Variants in MTFR1L observed in about 807,000 individuals in gnomAD.
MTFR1L encodes mitochondrial fission regulator 1 like.
A neutral mutation model predicts 27.9 loss-of-function variants in MTFR1L; 10 were observed. That is an observed-to-expected ratio of 0.36 (90% CI 0.22 to 0.61). The LOEUF (loss-of-function observed/expected upper bound fraction) is 0.61. Ranked by LOEUF, MTFR1L falls within the 20% of genes least tolerant of loss-of-function variation. The pLI, the probability that MTFR1L is intolerant of heterozygous loss-of-function variation, is 0.73. For missense variants in MTFR1L, 315 were observed against 363.7 expected (o/e 0.87, Z 1.09); for synonymous variants, 151 against 139.4 (o/e 1.08, Z -0.58).
chr1:25,823,040 A>ACGCCTCC lies in MTFR1L; in HGVS notation c.-55_-49dup, dbSNP rs778721409. The ACGCCTCC allele has an allele frequency of 1.3e-5, 21 of 1,613,742 alleles. No homozygotes were observed. Among genetic ancestry groups the ACGCCTCC allele is most frequent in the Non-Finnish European group, 1.4e-5 (16 of 1,179,990 alleles). ...CCAGATGGCCTGATATGAAGGAGTC[A>ACGCCTCC]CGCCTCCCGCCTCCCGGAGCTGCCC... On this transcript the variant is annotated 5_prime_UTR_variant, in exon 2 of 7. Coordinates refer to ENST00000374303, the MANE Select transcript of MTFR1L (RefSeq NM_001099625.2).
Position 25,826,973 on chromosome 1 carries a change from C to A in MTFR1L, c.451+147C>A. ...GGGGTTGTCCTGAAGCCTGGCTAGC[C>A]AGTAGTGCCTCTTAGATGGTTTCTA... On this transcript the variant is annotated intron_variant, in intron 5 of 6. Transcript: ENST00000374303. The surrounding 1 kb of genome is among the most constrained non-coding windows in gnomAD (Gnocchi z 4.1). 1.2e-6 allele frequency: 1 copy of A among 858,292 alleles called. No individual in the cohort carries two copies. Among genetic ancestry groups the A allele is most frequent in the Non-Finnish European group, 1.8e-6 (1 of 554,788 alleles). 53.2% of individuals were successfully genotyped at this position (858,292 alleles called of 1,614,324 possible).
chr1:25,823,263 C>T (rs756814809), intron 2 of MTFR1L, 135 bp downstream of exon 2: 83 of 901,884 alleles, frequency 9.2e-5, no homozygotes, highest in Non-Finnish European at 1.3e-4. Context: ...GCAAGGCCAC[C>T]GTTTCACTCC....
chr1:25,825,581 CTAAA>C (rs2048156733), intron 3 of MTFR1L: 1 of 152,096 alleles, frequency 6.6e-6, no homozygotes, highest in Non-Finnish European at 1.5e-5. Flanking sequence ...TTATTTAAAT[CTAAA>C]TATATTCAAA....
In MTFR1L at chr1:25,826,872, T is replaced by C; in HGVS notation, c.451+46T>C. The C allele has an allele frequency of 6.3e-7, 1 of 1,595,606 alleles. No homozygotes were observed. The highest frequency in any genetic ancestry group is 8.6e-7 in the Non-Finnish European group (1 of 1,168,906). ...GCCAGAACGTAACAGGCTGTTCCTT[T>C]CCCCTGGCTCTTGGGCAGGATAGGG... is the stretch of plus-strand genomic sequence containing the variant. On this transcript the variant is annotated intron_variant, in intron 5 of 6. Transcript: ENST00000374303. The surrounding 1 kb of genome is among the most constrained non-coding windows in gnomAD (Gnocchi z 4.1).
intron 6 of MTFR1L, among the ~76,000 whole-genome samples, chr1:25,830,560 A>C (rs1489373692): frequency 1.3e-5 from 2 of 152,196 alleles, no homozygotes; most frequent in Non-Finnish European, 2.9e-5. Flanking sequence ...TGCGGTTTCA[A>C]CAGCTGCACA....
At chr1:25,823,584 C>A in intron 2 of MTFR1L, 60 bp from the exon 3 acceptor site, 3 of 1,586,680 alleles carry the variant, frequency 1.9e-6, no homozygotes, top group Non-Finnish European at 2.6e-6. Flanking sequence ...GAGGAGAGGA[C>A]AAGGACAGTA....
At chr1:25,827,084 T>G (rs1344375597) in intron 5 of MTFR1L, among the ~76,000 whole-genome samples, 20 of 152,086 alleles carry the variant, frequency 1.3e-4, no homozygotes, top group African/African-American at 4.8e-4. Flanking sequence ...GCCCCCAAAC[T>G]GATACCCTCT....
rs1404260437 is a variant in MTFR1L, at chr1:25,826,084, C to T, written c.130-218C>T. 4 of 500,574 alleles carry T rather than the reference C, an allele frequency of 8.0e-6. No individual in the cohort carries two copies. The highest frequency in any genetic ancestry group is 1.4e-5 in the Non-Finnish European group (4 of 276,972). 31.0% of individuals were successfully genotyped at this position (500,574 alleles called of 1,614,324 possible). On this transcript the variant is annotated intron_variant, in intron 3 of 6. Coordinates refer to ENST00000374303, the MANE Select transcript of MTFR1L (RefSeq NM_001099625.2). The surrounding 1 kb of genome is among the most constrained non-coding windows in gnomAD (Gnocchi z 4.1). ...TCTTGGTCTCAAGCATTCTGCCTGCCTCGGCCTCCCAAATGCTGGGATTAC... is the reference window on the plus strand; with the variant it reads ...TCTTGGTCTCAAGCATTCTGCCTGCTTCGGCCTCCCAAATGCTGGGATTAC...
At chr1:25,823,442 A>G (rs1388991951) in intron 2 of MTFR1L, 3 of 804,992 alleles carry the variant, frequency 3.7e-6, no homozygotes, top group Admixed American at 2.0e-5. Context: ...AGCAGCAGGT[A>G]TTCCCTTGGG....
chr1:25,831,751 G>C (rs1005357666), intron 6 of MTFR1L, among the ~76,000 whole-genome samples, 170 bp from the exon 7 acceptor site: 2 of 152,190 alleles, frequency 1.3e-5, no homozygotes, highest in African/African-American at 4.8e-5. Flanking sequence ...TAGTGACCTT[G>C]GGCAACTTGT....
chr1:25,823,519 C>A (rs1488173635), intron 2 of MTFR1L, 125 bp from the exon 3 acceptor site: 1 of 1,437,252 alleles, frequency 7.0e-7, no homozygotes, highest in Non-Finnish European at 9.6e-7. Context: ...GTTGACTTGC[C>A]CCTAGAGAGT....
chr1:25,832,575 G>A lies in MTFR1L; in HGVS notation c.*549G>A. The stretch of plus-strand genomic sequence containing the variant: ...CTTGTCTAGATGTAGAGGTCAGGCT[G>A]CTGAACCAGCCAACACATGGGCTAC... On this transcript the variant is annotated 3_prime_UTR_variant, in exon 7 of 7. Transcript: ENST00000374303. 1 of 186,916 alleles carries A rather than the reference G, an allele frequency of 5.3e-6. No homozygotes were observed. The highest frequency in any genetic ancestry group is 1.2e-4 in the East Asian group (1 of 8,232). The allele number at this position is 186,916 out of a possible 1,614,324, so 11.6% of individuals were successfully genotyped here.
rs1161526620 is a variant in MTFR1L, at chr1:25,829,688, C to G, written c.631C>G (p.Pro211Ala). 1 of 1,614,118 alleles carries G rather than the reference C, an allele frequency of 6.2e-7. No individual in the cohort carries two copies. Among genetic ancestry groups the G allele is most frequent in the Non-Finnish European group, 8.5e-7 (1 of 1,180,036 alleles). The change falls in exon 6 of 7, where the codon CCT becomes GCT. Residue 211 changes from proline to alanine, a missense_variant. By Grantham distance (27) the Pro-to-Ala change is conservative. Transcript: ENST00000374303. ...PSVPLLCSAS[P>A]ECCKPEHKAA... ...AGTCCCCCTGCTTTGTTCTGCCAGC[C>G]CTGAATGTTGCAAACCAGAACACAA...
rs200970368 is a variant in MTFR1L, at chr1:25,823,775, T to C, written c.129+27T>C. The stretch of plus-strand genomic sequence containing the variant: ...TGAGTATGTTGGAAGGGCAGGAGAG[T>C]AGAGGCTCAGACAGTGCTGCTTCTG... On this transcript the variant is annotated intron_variant, in intron 3 of 6. Transcript: ENST00000374303. 4.0e-5 allele frequency: 64 copies of C among 1,611,268 alleles called. No individual in the cohort carries two copies. In the East Asian group the frequency reaches 1.2e-3, roughly 30 times the overall value.
chr1:25,826,345 C>A lies in MTFR1L; in HGVS notation c.173C>A (p.Pro58Gln). ...GACCTGTGTTTGAGAGATGTGCCCC[C>A]AGTCCCTACCCTGGCTGACATCGCC... The part of the protein sequence containing the change: ...ISDLCLRDVP[P>Q]VPTLADIAWI... Residue 58 changes from proline (P) to glutamine (Q), a missense_variant, in exon 4 of 7, where the codon CCA (proline) becomes CAA (glutamine). By Grantham distance (76) the Pro-to-Gln change is moderately conservative. Transcript: ENST00000374303. The surrounding 1 kb of genome is among the most constrained non-coding windows in gnomAD (Gnocchi z 4.1). 6.2e-7 allele frequency: 1 copy of A among 1,614,200 alleles called. No individual in the cohort carries two copies. The highest frequency in any genetic ancestry group is 8.5e-7 in the Non-Finnish European group (1 of 1,180,028).
chr1:25,832,128 C>A lies in MTFR1L; in HGVS notation c.*102C>A. The A allele has an allele frequency of 6.3e-7, 1 of 1,594,264 alleles. No homozygotes were observed. The highest frequency in any genetic ancestry group is 1.1e-5 in the South Asian group (1 of 89,610). On this transcript the variant is annotated 3_prime_UTR_variant, in exon 7 of 7. Coordinates refer to ENST00000374303, the MANE Select transcript of MTFR1L (RefSeq NM_001099625.2). ...CTGCCTCTTAAGGATAGATCTTCTG[C>A]AACAGTCTTGCTGACAAGCTAGAGC...
rs768077073 is a variant in MTFR1L, at chr1:25,831,918, T to C, written c.774-3T>C. Reference sequence around the variant, plus strand: ...AGTACTCAAGCTATTATTGTGTCTCTAGGAACCGGAGTTTATTGAAGGAGG... The same window carrying C: ...AGTACTCAAGCTATTATTGTGTCTCCAGGAACCGGAGTTTATTGAAGGAGG... On this transcript the variant is annotated splice_region_variant and splice_polypyrimidine_tract_variant and intron_variant, in intron 6 of 6. Transcript: ENST00000374303. The C allele has an allele frequency of 3.7e-6, 6 of 1,613,366 alleles. No homozygotes were observed. Among genetic ancestry groups the C allele is most frequent in the Non-Finnish European group, 5.1e-6 (6 of 1,179,286 alleles).
chr1:25,822,188 GAA>G (rs1487393288), intron 1 of MTFR1L: 1 of 152,214 alleles, frequency 6.6e-6, no homozygotes, highest in Non-Finnish European at 1.5e-5. Flanking sequence ...CCAACATTCA[GAA>G]AAGTTAAATA....
rs567522064 is a variant in MTFR1L at position 25,832,335 on chromosome 1, T to C, written c.*309T>C. ...TTCCTTGCCCCTGTGTGAAAATAGG[T>C]CCTAAATGACTGACTTCACTGCATT... On this transcript the variant is annotated 3_prime_UTR_variant, in exon 7 of 7. Transcript: ENST00000374303. 5.8e-6 allele frequency: 4 copies of C among 686,268 alleles called. No homozygotes were observed. The East Asian group carries it at 1.1e-4, about 19-fold the overall frequency. 42.5% of individuals were successfully genotyped at this position (686,268 alleles called of 1,614,324 possible).
Sources: gnomAD v4.1 joint callset for allele counts (sites outside exome capture counted in the v4.1 genomes callset) on GRCh38, gnomAD v4.1.1 for gene constraint, Gnocchi (gnomAD v3.1) non-coding constraint, MANE v1.5 for transcripts, NCBI Gene and HGNC (gene_info 2026-07-23, HGNC 2026-07-21) for gene names.